CDH13: variants seen among roughly 807,000 people sequenced by gnomAD.
CDH13 encodes the protein cadherin-13.
CDH13 carries 24 observed loss-of-function variants against 63.8 expected under a neutral mutation model. The observed-to-expected ratio is 0.38, with a 90% CI of 0.27 to 0.53. CDH13 has a LOEUF of 0.53. Ranked by LOEUF, CDH13 falls within the 20% of genes least tolerant of loss-of-function variation. The probability of loss-of-function intolerance (pLI) is 0.85; values close to 1 mark genes in which losing one functional copy is unlikely to be tolerated. For synonymous variants in CDH13, 503 were observed against 355.3 expected (o/e 1.42, Z -4.67); for missense variants, 1,049 against 903.1 (o/e 1.16, Z -2.07).
At chr16:83,153,924 G>A (rs2037097445) in intron 4 of CDH13, among the ~76,000 whole-genome samples, 2 of 152,244 alleles carry the variant, frequency 1.3e-5, no homozygotes, top group African/African-American at 4.8e-5. Context: ...GCAGGAGTAG[G>A]GAAGAATGAA....
chr16:83,711,424 A>G lies in CDH13; in HGVS notation c.1538+32963A>G, dbSNP rs115829593. Among the ~76,000 whole-genome samples, 528 of 152,200 alleles carry G rather than the reference A, an allele frequency of 3.5e-3. 7 individuals carry two copies. The highest frequency in any genetic ancestry group is 0.012 in the African/African-American group (513 of 41,508). On this transcript the variant is annotated intron_variant, in intron 10 of 13. Transcript: ENST00000567109. ...CTTAGTGTAATCAGTCAATTAGCAA[A>G]CTTTCCTAATGGCTGAGAGGCACAC...
intron 8 of CDH13, among the ~76,000 whole-genome samples, chr16:83,621,693 G>T (rs959779348): frequency 1.3e-5 from 2 of 151,418 alleles, no homozygotes; most frequent in African/African-American, 2.4e-5. Context: ...CACCATGTTG[G>T]CCAGGCTGGT....
chr16:82,866,752 G>A (rs1313968809), intron 2 of CDH13, among the ~76,000 whole-genome samples: 2 of 152,118 alleles, frequency 1.3e-5, no homozygotes, highest in Non-Finnish European at 2.9e-5. Flanking sequence ...CAGAGAGAAA[G>A]CAAGGCACCT....
In CDH13 at chr16:82,627,099, C is replaced by T. The variant is rs1411309621; in HGVS notation, c.7C>T (p.Pro3Ser). 2 of 1,604,100 alleles carry T rather than the reference C, an allele frequency of 1.2e-6. No individual in the cohort carries two copies. Among genetic ancestry groups the T allele is most frequent in the African/African-American group, 1.3e-5 (1 of 74,748 alleles). MQ[P>S]RTPLVLCVLL... is the part of the protein sequence containing the mutation. Reference sequence around the variant, plus strand: ...GCGCTTCTAGTCGGACAAAATGCAGCCGAGAACTCCGCTCGTTCTGTGCGT... The same window carrying T: ...GCGCTTCTAGTCGGACAAAATGCAGTCGAGAACTCCGCTCGTTCTGTGCGT... The change falls in exon 1 of 14, where the codon CCG becomes TCG. Residue 3 changes from proline (P) to serine (S), a missense_variant. Coordinates refer to ENST00000567109, the MANE Select transcript of CDH13 (RefSeq NM_001257.5).
intron 7 of CDH13, among the ~76,000 whole-genome samples, chr16:83,497,774 A>G (rs947414516): frequency 2.0e-5 from 3 of 152,230 alleles, no homozygotes; most frequent in Non-Finnish European, 2.9e-5. Context: ...CTGGTCTATT[A>G]GATCATTGGC....
intron 5 of CDH13, among the ~76,000 whole-genome samples, chr16:83,269,144 T>C (rs1160006099): frequency 6.6e-6 from 1 of 152,206 alleles, no homozygotes; most frequent in Non-Finnish European, 1.5e-5. Flanking sequence ...TGCTTTTCTC[T>C]CCTAGTTTTT....
chr16:83,488,284 C>CA (rs1213584992), intron 7 of CDH13, among the ~76,000 whole-genome samples: 2 of 152,258 alleles, frequency 1.3e-5, no homozygotes, highest in Non-Finnish European at 2.9e-5. Context: ...TTCCTGACAA[C>CA]AGAGACTGTG....
intron 1 of CDH13, among the ~76,000 whole-genome samples, chr16:82,669,663 C>T (rs16958065): frequency 0.038 from 5,799 of 152,290 alleles, 373 homozygotes; most frequent in African/African-American, 0.13. Flanking sequence ...GATGCTGTTT[C>T]TTCTCTTGTG....
chr16:82,857,153 A>G (rs943395295), intron 1 of CDH13, among the ~76,000 whole-genome samples: 5 of 152,216 alleles, frequency 3.3e-5, no homozygotes, highest in African/African-American at 1.2e-4. Flanking sequence ...ACCTAGATTC[A>G]GATGCTGGCT....
intron 4 of CDH13, among the ~76,000 whole-genome samples, chr16:83,160,294 A>G (rs938032587): frequency 4.6e-5 from 7 of 152,122 alleles, no homozygotes; most frequent in African/African-American, 1.7e-4. Flanking sequence ...CAGGAGGTAT[A>G]TGAGAAATCT....
chr16:83,174,531 A>T (rs74031447), intron 4 of CDH13, among the ~76,000 whole-genome samples: 52 of 152,158 alleles, frequency 3.4e-4, no homozygotes, highest in African/African-American at 1.3e-3. Flanking sequence ...AGGACCCTTT[A>T]TGCTTGTATG....
intron 8 of CDH13, among the ~76,000 whole-genome samples, chr16:83,660,678 C>T (rs915267189): frequency 2.6e-5 from 4 of 152,204 alleles, no homozygotes; most frequent in African/African-American, 9.7e-5. Context: ...AAGCCAAACT[C>T]CAGTGTCTTT....
intron 6 of CDH13, among the ~76,000 whole-genome samples, chr16:83,466,098 C>T (rs916901085): frequency 3.9e-5 from 6 of 152,232 alleles, no homozygotes; most frequent in African/African-American, 1.4e-4. Flanking sequence ...CATGGTCAAG[C>T]AGCCCCTGCA....
intron 1 of CDH13, among the ~76,000 whole-genome samples, chr16:82,818,368 G>T (rs1305988478): frequency 6.6e-6 from 1 of 152,160 alleles, no homozygotes; most frequent in East Asian, 1.9e-4. Flanking sequence ...ATGCTTAAAA[G>T]ATGTTAACAG....
chr16:83,580,860 G>C (rs977896936), intron 7 of CDH13, among the ~76,000 whole-genome samples: 3 of 152,052 alleles, frequency 2.0e-5, no homozygotes, highest in Admixed American at 6.6e-5. Flanking sequence ...CATGCTGTTG[G>C]AGTTAATTGT....
At chr16:83,445,529 C>T (rs2151502126) in intron 6 of CDH13, among the ~76,000 whole-genome samples, 1 of 152,256 alleles carries the variant, frequency 6.6e-6, no homozygotes, top group East Asian at 1.9e-4. Context: ...GACCGATAGC[C>T]TCCCACAGCT....
At chr16:83,524,261 T>C (rs1002395100) in intron 7 of CDH13, among the ~76,000 whole-genome samples, 20 of 152,156 alleles carry the variant, frequency 1.3e-4, no homozygotes, top group African/African-American at 4.8e-4. Context: ...AGTAATATAT[T>C]CATACCAGGC....
intron 2 of CDH13, among the ~76,000 whole-genome samples, chr16:83,011,788 C>G (rs1202694835): frequency 6.6e-6 from 1 of 152,204 alleles, no homozygotes; most frequent in Non-Finnish European, 1.5e-5. Context: ...TCCCAAACTT[C>G]TACAGCCAAA....
intron 8 of CDH13, among the ~76,000 whole-genome samples, chr16:83,620,106 A>G (rs75031614): frequency 0.034 from 5,012 of 146,958 alleles, 108 homozygotes; most frequent in Non-Finnish European, 0.048. Flanking sequence ...AGAGATAGGG[A>G]GGGGGGCCGG....
Sources: allele counts gnomAD v4.1 joint callset (sites outside exome capture counted in the v4.1 genomes callset), GRCh38; gene constraint gnomAD v4.1.1; transcripts MANE v1.5; gene names NCBI Gene and HGNC (gene_info 2026-07-23, HGNC 2026-07-21).